The following CSMD2 variants were observed in gnomAD, a reference collection of about 807,000 sequenced individuals.
The protein encoded by CSMD2 is CUB and Sushi multiple domains 2, also known as CUB and sushi domain-containing protein 2.
In CSMD2, 130 loss-of-function variants were observed where a neutral mutation model predicts 398.5. The ratio of observed to expected loss-of-function variants is 0.33; its 90% CI spans 0.28 to 0.38. The LOEUF (loss-of-function observed/expected upper bound fraction) is 0.38, where lower values mean the gene tolerates loss of function less well. Ranked by LOEUF, CSMD2 falls within the 10% of genes least tolerant of loss-of-function variation. The pLI is 1.00. For missense variants in CSMD2, 3,829 were observed against 4,764.9 expected (o/e 0.80, Z 5.78); for synonymous variants, 1,828 against 1,908.5 (o/e 0.96, Z 1.10).
intron 40 of CSMD2, among the ~76,000 whole-genome samples, chr1:33,612,331 C>G (rs1012857575): frequency 6.6e-6 from 1 of 152,208 alleles, no homozygotes; most frequent in African/African-American, 2.4e-5. Flanking sequence ...AAAGACTCGA[C>G]ACTTAATGTT....
At chr1:33,603,929 AG>A (rs1640404173) in intron 42 of CSMD2, among the ~76,000 whole-genome samples, 1 of 152,254 alleles carries the variant, frequency 6.6e-6, no homozygotes, top group Non-Finnish European at 1.5e-5. Context: ...AAAGTATTTC[AG>A]CTTAGGCTGG....
chr1:33,608,082 C>T (rs909473804), intron 41 of CSMD2, among the ~76,000 whole-genome samples: 2 of 151,408 alleles, frequency 1.3e-5, no homozygotes, highest in African/African-American at 4.9e-5. Context: ...AGGGGGACAG[C>T]GGGGCCCCTT....
chr1:33,519,651 C>G lies in CSMD2; in HGVS notation c.10763G>C (p.Gly3588Ala). The change falls in exon 70 of 71, where the codon GGC (glycine) becomes GCC (alanine). Residue 3588 changes from glycine to alanine, a missense_variant. By Grantham distance (60) the Gly-to-Ala change is moderately conservative. This residue lies in a region of CSMD2 where 917 missense variants were observed against 1,199.5 expected (regional missense o/e 0.76). Transcript: ENST00000373381. This position sits in a 1 kb window ranked among gnomAD's most constrained non-coding sequence, Gnocchi z 5.6. ...ATTGGTGTTCTCGTGGCCAGCATAG[C>G]CATTGAAAGGAACTTTGGGTCTTCT... ...HRRRPKVPFN[G>A]YAGHENTNVR... 6.2e-7 allele frequency: 1 copy of G among 1,613,962 alleles called. No individual in the cohort carries two copies. The highest frequency in any genetic ancestry group is 8.5e-7 in the Non-Finnish European group (1 of 1,180,008).
At chr1:34,083,363 AT>A (rs1414933824) in intron 2 of CSMD2, among the ~76,000 whole-genome samples, 1 of 152,090 alleles carries the variant, frequency 6.6e-6, no homozygotes. Flanking sequence ...TTAAGTGATG[AT>A]TTTTTCCCTT....
intron 11 of CSMD2, among the ~76,000 whole-genome samples, chr1:33,790,747 CATCT>C (rs1271349388): frequency 1.2e-4 from 18 of 151,898 alleles, no homozygotes; most frequent in Admixed American, 3.9e-4. Flanking sequence ...ATCTATTTAT[CATCT>C]ATCTGTGTAT....
chr1:34,032,741 C>G (rs886268642), intron 2 of CSMD2, 35 bp from the exon 3 acceptor site: 1 of 1,455,810 alleles, frequency 6.9e-7, no homozygotes. Context: ...GGAGAATGAC[C>G]CCCTTGGGAA....
intron 3 of CSMD2, among the ~76,000 whole-genome samples, chr1:34,005,483 C>G (rs747186419): frequency 1.3e-5 from 2 of 152,238 alleles, no homozygotes; most frequent in African/African-American, 4.8e-5. Flanking sequence ...ACTGCAGGCT[C>G]TACCACGCCC....
At chr1:33,791,907 G>GTCTGGAACATGTCATACTGGTCT (rs1553208150) in intron 11 of CSMD2, among the ~76,000 whole-genome samples, 1 of 152,124 alleles carries the variant, frequency 6.6e-6, no homozygotes, top group Non-Finnish European at 1.5e-5. Context: ...CCTCTCCCTT[G>GTCTGGAACATGTCATACTGGTCT]TCTGGAACAT....
chr1:33,917,653 C>A (rs773337381), intron 5 of CSMD2, among the ~76,000 whole-genome samples: 1 of 152,174 alleles, frequency 6.6e-6, no homozygotes, highest in African/African-American at 2.4e-5. Context: ...GTATCAGGAC[C>A]CTTGGAGTGG....
At chr1:33,630,027 C>T (rs1642370811) in intron 32 of CSMD2, among the ~76,000 whole-genome samples, 1 of 152,098 alleles carries the variant, frequency 6.6e-6, no homozygotes, top group Middle Eastern at 3.4e-3. Flanking sequence ...ACATCTTTCT[C>T]TCTTTCTCTC....
chr1:33,700,609 C>A lies in CSMD2; in HGVS notation c.3641G>T (p.Gly1214Val), dbSNP rs753712190. 1.2e-6 allele frequency: 2 copies of A among 1,614,012 alleles called. No individual in the cohort carries two copies. The highest frequency in any genetic ancestry group is 1.7e-6 in the Non-Finnish European group (2 of 1,180,028). Residue 1214 changes from glycine to valine, a missense_variant, in exon 23 of 71, where the codon GGG becomes GTG. Gly to Val is a moderately radical substitution (Grantham distance 109). Transcript: ENST00000373381. ...GCTGGATGTGCTGTTCAAAGTCACCCCCATCATCTCAGAATGGCTAAAAAC... is the reference window on the plus strand; with the variant it reads ...GCTGGATGTGCTGTTCAAAGTCACCACCATCATCTCAGAATGGCTAAAAAC... ...LGVFSHSEMMGVTLNSTSSSL... is the reference protein window; with the variant it reads ...LGVFSHSEMMVVTLNSTSSSL...
intron 3 of CSMD2, among the ~76,000 whole-genome samples, chr1:33,960,788 A>G (rs1201098383): frequency 6.6e-6 from 1 of 152,206 alleles, no homozygotes; most frequent in African/African-American, 2.4e-5. Context: ...TACTTAGCAG[A>G]AGTCTATGTA....
At chr1:34,146,317 G>T (rs1639759810) in intron 1 of CSMD2, among the ~76,000 whole-genome samples, 1 of 152,138 alleles carries the variant, frequency 6.6e-6, no homozygotes, top group Admixed American at 6.5e-5. Flanking sequence ...CCCCAGCAGG[G>T]AGCAGGTGTT....
intron 5 of CSMD2, among the ~76,000 whole-genome samples, chr1:33,892,018 G>A (rs1371589009): frequency 6.7e-6 from 1 of 150,032 alleles, no homozygotes; most frequent in Non-Finnish European, 1.5e-5. Flanking sequence ...CCTGCACATT[G>A]TGCACATGTA....
intron 40 of CSMD2, among the ~76,000 whole-genome samples, chr1:33,613,370 G>A (rs994669259): frequency 1.3e-5 from 2 of 152,170 alleles, no homozygotes; most frequent in African/African-American, 4.8e-5. Flanking sequence ...CAGAGGTACA[G>A]GGTCTCCCAG....
At chr1:33,776,799 G>A (rs944873982) in intron 12 of CSMD2, among the ~76,000 whole-genome samples, 1 of 152,008 alleles carries the variant, frequency 6.6e-6, no homozygotes, top group African/African-American at 2.4e-5. Context: ...GAAGGAAAGA[G>A]GTGAAAGGAG....
intron 5 of CSMD2, among the ~76,000 whole-genome samples, chr1:33,880,474 G>A (rs1570378266): frequency 6.6e-6 from 1 of 152,300 alleles, no homozygotes; most frequent in East Asian, 1.9e-4. Flanking sequence ...GACAGAGCTA[G>A]GATTTTTGAG....
At chr1:33,864,229 T>A (rs139455040) in intron 5 of CSMD2, 106 of 1,610,344 alleles carry the variant, frequency 6.6e-5, no homozygotes, top group Non-Finnish European at 8.9e-5. Context: ...AAGGCAAATG[T>A]CTCTTCTTAC....
chr1:33,636,523 A>C lies in CSMD2; in HGVS notation c.4806T>G (p.Gly1602=). Residue 1602 remains glycine (G), a synonymous_variant, in exon 30 of 71, where the codon GGT becomes GGG. Transcript: ENST00000373381. This position sits in a 1 kb window ranked among gnomAD's most constrained non-coding sequence, Gnocchi z 4.8. ...ENPRESCFDP[G]SIKNGTRVGS... is the part of the protein sequence containing the mutation. ...CCACCCGTGTGCCGTTCTTGATGGAACCAGGATCAAAACATGACTCCCGCG... is the reference window on the plus strand; with the variant it reads ...CCACCCGTGTGCCGTTCTTGATGGACCCAGGATCAAAACATGACTCCCGCG... The C allele has an allele frequency of 1.2e-6, 2 of 1,614,086 alleles. No homozygotes were observed. The highest frequency in any genetic ancestry group is 1.7e-6 in the Non-Finnish European group (2 of 1,179,978).
Sources: allele counts gnomAD v4.1 joint callset (sites outside exome capture counted in the v4.1 genomes callset), GRCh38; gene constraint gnomAD v4.1.1; regional missense constraint gnomAD v4.1.1; non-coding constraint Gnocchi (gnomAD v3.1); transcripts MANE v1.5; gene names NCBI Gene and HGNC (gene_info 2026-07-23, HGNC 2026-07-21).